The following DCUN1D4 variants were observed in gnomAD, a reference collection of about 807,000 sequenced individuals.
DCUN1D4 encodes the protein DCN1-like protein 4.
A neutral mutation model predicts 47.9 loss-of-function variants in DCUN1D4; 22 were observed. The ratio of observed to expected loss-of-function variants is 0.46; its 90% CI spans 0.33 to 0.66. The LOEUF (loss-of-function observed/expected upper bound fraction) is 0.66, where lower values mean the gene tolerates loss of function less well. DCUN1D4 is among the 30% of genes least tolerant of loss of function. The pLI, the probability that DCUN1D4 is intolerant of heterozygous loss-of-function variation, is 0.02. For synonymous variants in DCUN1D4, 121 were observed against 112.2 expected, an observed-to-expected ratio of 1.08 and a Z score of -0.50; for missense variants, 301 against 340.8, an observed-to-expected ratio of 0.88 and a Z score of 0.92.
intron 1 of DCUN1D4, among the ~76,000 whole-genome samples, chr4:51,858,328 G>A (rs141008426): frequency 3.3e-5 from 5 of 152,180 alleles, no homozygotes; most frequent in East Asian, 1.9e-4. Flanking sequence ...AGAACAGCAC[G>A]TGCAAAGGCG....
At chr4:51,910,070 A>G (rs146326923) in intron 8 of DCUN1D4, among the ~76,000 whole-genome samples, 1 of 152,138 alleles carries the variant, frequency 6.6e-6, no homozygotes, top group Non-Finnish European at 1.5e-5. Flanking sequence ...TAATTTGAAC[A>G]TTTAGATTCC....
At chr4:51,856,320 A>T (rs779048093) in intron 1 of DCUN1D4, among the ~76,000 whole-genome samples, 3 of 152,218 alleles carry the variant, frequency 2.0e-5, no homozygotes, top group Admixed American at 1.3e-4. Flanking sequence ...ATAATAAAAC[A>T]CTTTGATGAT....
intron 8 of DCUN1D4, among the ~76,000 whole-genome samples, chr4:51,904,597 A>G (rs1200745807): frequency 1.3e-5 from 2 of 152,202 alleles, no homozygotes; most frequent in Non-Finnish European, 2.9e-5. Context: ...CCACCTCCAC[A>G]GAGTAAGCTG....
chr4:51,892,362 C>T (rs1343965929), intron 7 of DCUN1D4, among the ~76,000 whole-genome samples: 1 of 152,076 alleles, frequency 6.6e-6, no homozygotes, highest in Non-Finnish European at 1.5e-5. Context: ...TTGTATTAAC[C>T]ACATTTCAAG....
At chr4:51,837,540 A>T in the DCUN1D4 span, among the ~76,000 whole-genome samples, 1 of 151,420 alleles carries the variant, frequency 6.6e-6, no homozygotes, top group Non-Finnish European at 1.5e-5. Context: ...CTGTAGTCCC[A>T]ACTACTCGGG....
chr4:51,863,587 A>G (rs1725422312), intron 2 of DCUN1D4, 80 bp downstream of exon 2: 4 of 1,577,300 alleles, frequency 2.5e-6, no homozygotes, highest in Admixed American at 3.5e-5. Context: ...AAAAATTTAG[A>G]TTCTAGATAT....
intron 7 of DCUN1D4, among the ~76,000 whole-genome samples, chr4:51,894,149 C>T (rs915072171): frequency 5.3e-5 from 8 of 152,120 alleles, no homozygotes; most frequent in Admixed American, 5.2e-4. Flanking sequence ...GGTTTAGTGA[C>T]AAGCCTGATC....
intron 1 of DCUN1D4, chr4:51,848,246 A>C (rs1056587754): frequency 5.4e-6 from 7 of 1,289,270 alleles, no homozygotes; most frequent in African/African-American, 3.0e-5. Flanking sequence ...ATTCTCAAGG[A>C]AAGAGTAAAA....
chr4:51,911,628 G>C (rs1404111194), intron 9 of DCUN1D4, among the ~76,000 whole-genome samples: 1 of 152,142 alleles, frequency 6.6e-6, no homozygotes, highest in East Asian at 1.9e-4. Context: ...GTAACTTGAG[G>C]ACCTTAGATC....
At chr4:51,898,769 G>T (rs540509179) in intron 7 of DCUN1D4, among the ~76,000 whole-genome samples, 38 of 152,186 alleles carry the variant, frequency 2.5e-4, no homozygotes, top group Admixed American at 1.3e-4. Flanking sequence ...AAAAGGCAGA[G>T]AACTCTTCTA....
rs369233454 is a variant in DCUN1D4 at position 51,843,260 on chromosome 4, C to T, written c.18C>T (p.Ala6=). Residue 6 remains alanine (A), a synonymous_variant, in exon 1 of 11, where the codon GCC becomes GCT. Coordinates refer to ENST00000334635, the MANE Select transcript of DCUN1D4 (RefSeq NM_001040402.3). MHSDA[A]AVNFQLNSHL... is the part of the protein sequence containing the mutation. The stretch of plus-strand genomic sequence containing the variant: ...GCCTGAAAATGCACTCGGATGCCGC[C>T]GCTGTCAGTGAGTAGCAGAGAGCCA... 1.9e-4 allele frequency: 298 copies of T among 1,541,608 alleles called. 3 individuals are homozygous for T. In the South Asian group the frequency reaches 2.6e-3, roughly 13 times the overall value.
intron 1 of DCUN1D4, among the ~76,000 whole-genome samples, chr4:51,861,502 T>C (rs1052087281): frequency 6.6e-6 from 1 of 152,192 alleles, no homozygotes; most frequent in Admixed American, 6.5e-5. Flanking sequence ...TTTTGGTTTA[T>C]TTAGATTCTC....
chr4:51,886,779 C>G, intron 6 of DCUN1D4, 141 bp downstream of exon 6: 3 of 671,512 alleles, frequency 4.5e-6, no homozygotes, highest in Non-Finnish European at 7.7e-6. Flanking sequence ...AGTTCTAATT[C>G]TAGTTTGACT....
chr4:51,891,634 A>T, intron 6 of DCUN1D4, 126 bp from the exon 7 acceptor site: 1 of 688,272 alleles, frequency 1.5e-6, no homozygotes, highest in Non-Finnish European at 2.3e-6. Context: ...CTCATATTTC[A>T]GTGACTAAAC....
intron 1 of DCUN1D4, chr4:51,843,713 G>A (rs1388272670): frequency 5.1e-5 from 63 of 1,227,958 alleles, no homozygotes; most frequent in Middle Eastern, 3.0e-4. Flanking sequence ...AAAGGGCTGA[G>A]TGGTGCGGGC....
chr4:51,836,585 G>A, the DCUN1D4 span, among the ~76,000 whole-genome samples: 21 of 152,128 alleles, frequency 1.4e-4, no homozygotes, highest in Admixed American at 1.3e-4. Flanking sequence ...TGGGCAGAAC[G>A]GGGTGGCTGA....
At position 51,867,037 on chromosome 4, in the gene DCUN1D4, A is replaced by C. The variant is rs376634932; in HGVS notation, c.136+3328A>C. Among the ~76,000 whole-genome samples the C allele has an allele frequency of 2.4e-4, 37 of 152,324 alleles. 1 individual carries two copies. The East Asian group carries it at 3.3e-3, about 14-fold the overall frequency. On this transcript the variant is annotated intron_variant, in intron 3 of 10. Transcript: ENST00000334635. ...GCACACGGTGTGTGGGTGAGCAAGC[A>C]CCCGCTCCAATCACTGCACACAGCC...
intron 3 of DCUN1D4, among the ~76,000 whole-genome samples, chr4:51,873,847 T>A (rs1383724367): frequency 6.6e-6 from 1 of 152,204 alleles, no homozygotes; most frequent in Non-Finnish European, 1.5e-5. Context: ...TTAAGACTAC[T>A]GGGACTGATG....
Position 51,913,653 on chromosome 4 carries a change from G to A in DCUN1D4, c.*69G>A. Reference sequence around the variant, plus strand: ...TGTCACCCATTAGCCATAAATTGCTGTTTGTATCAAAGCGCATGCTGCTTC... The same window carrying A: ...TGTCACCCATTAGCCATAAATTGCTATTTGTATCAAAGCGCATGCTGCTTC... On this transcript the variant is annotated 3_prime_UTR_variant, in exon 11 of 11. Coordinates refer to ENST00000334635, the MANE Select transcript of DCUN1D4 (RefSeq NM_001040402.3). 7.0e-7 allele frequency: 1 copy of A among 1,427,216 alleles called. No individual in the cohort carries two copies. Among genetic ancestry groups the A allele is most frequent in the Non-Finnish European group, 9.8e-7 (1 of 1,016,108 alleles). The allele number at this position is 1,427,216 out of a possible 1,614,324, so 88.4% of individuals were successfully genotyped here. A position where few individuals can be genotyped will look rare whatever the true frequency, so the allele number is the denominator to read the frequency against.
Sources: allele counts gnomAD v4.1 joint callset (sites outside exome capture counted in the v4.1 genomes callset), GRCh38; gene constraint gnomAD v4.1.1; transcripts MANE v1.5; gene names NCBI Gene and HGNC (gene_info 2026-07-23, HGNC 2026-07-21).